Variants in FRK observed in about 807,000 individuals in gnomAD.
The protein encoded by FRK is fyn related Src family tyrosine kinase.
In FRK, 51 loss-of-function variants were observed where a neutral mutation model predicts 56.4. That is an observed-to-expected ratio of 0.90 (90% CI 0.72 to 1.14). The LOEUF is 1.14. Ranked by LOEUF, FRK falls within the 50% of genes most tolerant of loss-of-function variation. FRK has a pLI of 0.00. For synonymous variants in FRK, 245 were observed against 217.9 expected (o/e 1.12, Z -1.10); for missense variants, 570 against 601.4 (o/e 0.95, Z 0.55).
rs536303817 is a variant in FRK, at chr6:116,054,546, TATA to T, written c.344+5419_344+5421del. ...TTATATATTATATAGTATAATATAG[TATA>T]ATACTATATTTTATAAATATAGTGT... On this transcript the variant is annotated intron_variant, in intron 1 of 7. Transcript: ENST00000606080. 3.1e-3 allele frequency among the ~76,000 whole-genome samples: 451 copies of T among 145,852 alleles called. 7 individuals carry two copies. In the South Asian group the frequency reaches 0.039, roughly 13 times the overall value.
chr6:115,987,812 C>A (rs1774446850), intron 2 of FRK, among the ~76,000 whole-genome samples: 1 of 152,052 alleles, frequency 6.6e-6, no homozygotes, highest in Admixed American at 6.6e-5. Flanking sequence ...TTCTTTAAGG[C>A]ATGGATCATC....
At chr6:116,059,766 G>A (rs1385825063) in intron 1 of FRK, among the ~76,000 whole-genome samples, 2 of 152,188 alleles carry the variant, frequency 1.3e-5, no homozygotes, top group South Asian at 2.1e-4. Context: ...TGTAATTGAA[G>A]TCATCTCAAC....
intron 1 of FRK, among the ~76,000 whole-genome samples, chr6:116,057,951 C>T (rs1036290421): frequency 1.3e-5 from 2 of 152,110 alleles, no homozygotes; most frequent in African/African-American, 4.8e-5. Flanking sequence ...TACAGTCAAG[C>T]ATGAATGTAA....
chr6:116,024,057 T>C (rs1284177669), intron 1 of FRK, among the ~76,000 whole-genome samples: 2 of 136,592 alleles, frequency 1.5e-5, no homozygotes, highest in African/African-American at 2.8e-5. Context: ...CCTGAGAACT[T>C]ACACACACAC....
intron 1 of FRK, among the ~76,000 whole-genome samples, chr6:116,012,583 G>A (rs899303915): frequency 6.6e-6 from 1 of 152,168 alleles, no homozygotes; most frequent in African/African-American, 2.4e-5. Flanking sequence ...ACATATCTGT[G>A]GCATGAAGCA....
intron 1 of FRK, among the ~76,000 whole-genome samples, chr6:116,049,792 T>C (rs1777119074): frequency 6.6e-6 from 1 of 152,214 alleles, no homozygotes; most frequent in African/African-American, 2.4e-5. Flanking sequence ...TAAATGTCAG[T>C]TATCCCTGAC....
chr6:115,937,031 C>G lies in FRK; in HGVS notation c.*5383G>C, dbSNP rs928612679. On this transcript the variant is annotated 3_prime_UTR_variant, in exon 8 of 8. Transcript: ENST00000606080. ...CCCCAAGACATATAATCGTCATATT[C>G]ACCAAGGTTGAAATGAAGGAAAAAA... 6.6e-6 allele frequency: 1 copy of G among 152,116 alleles called. No individual in the cohort carries two copies. The highest frequency in any genetic ancestry group is 6.5e-5 in the Admixed American group (1 of 15,270). The allele number at this position is 152,116 out of a possible 1,614,324, so 9.4% of individuals were successfully genotyped here.
the FRK span, among the ~76,000 whole-genome samples, chr6:116,095,570 C>G: frequency 1.8e-4 from 27 of 152,286 alleles, no homozygotes; most frequent in South Asian, 5.4e-3. Context: ...AAGCTCAAGT[C>G]CATCAGTGCA....
chr6:115,971,227 GT>G (rs764672965), intron 2 of FRK, among the ~76,000 whole-genome samples: 2 of 152,154 alleles, frequency 1.3e-5, no homozygotes, highest in Non-Finnish European at 2.9e-5. Context: ...GGTTATTAAA[GT>G]AAATGTTACC....
At chr6:116,091,067 A>G in the FRK span, among the ~76,000 whole-genome samples, 1 of 152,182 alleles carries the variant, frequency 6.6e-6, no homozygotes, top group South Asian at 2.1e-4. Flanking sequence ...TCTAGACACA[A>G]TCTTTGTAAG....
the FRK span, among the ~76,000 whole-genome samples, chr6:116,096,975 C>T: frequency 2.0e-5 from 3 of 152,194 alleles, no homozygotes; most frequent in Non-Finnish European, 4.4e-5. Flanking sequence ...TGTCCCATTA[C>T]GTCCTCCCTC....
intron 5 of FRK, among the ~76,000 whole-genome samples, chr6:115,950,136 A>T (rs937386724): frequency 2.0e-5 from 3 of 152,102 alleles, no homozygotes; most frequent in East Asian, 1.9e-4. Flanking sequence ...AGACTTCATG[A>T]CTAAAACACC....
intron 2 of FRK, among the ~76,000 whole-genome samples, chr6:115,998,265 T>C (rs1262626482): frequency 4.6e-5 from 7 of 152,124 alleles, no homozygotes; most frequent in Non-Finnish European, 4.4e-5. Flanking sequence ...TGCCTACAAA[T>C]CTCTCATCCA....
intron 1 of FRK, among the ~76,000 whole-genome samples, chr6:116,017,016 C>T (rs1407484054): frequency 2.0e-5 from 3 of 152,156 alleles, no homozygotes; most frequent in African/African-American, 7.2e-5. Context: ...GCTCTGCCTG[C>T]ACTGATGGAC....
At chr6:116,081,879 C>A in the FRK span, among the ~76,000 whole-genome samples, 1 of 152,078 alleles carries the variant, frequency 6.6e-6, no homozygotes, top group Non-Finnish European at 1.5e-5. Flanking sequence ...AGAAAAATTT[C>A]TGTCCTCATG....
chr6:115,973,415 T>C (rs510874), intron 2 of FRK, among the ~76,000 whole-genome samples: 150,110 of 152,236 alleles, frequency 0.99, 74,043 homozygotes, highest in East Asian at 1. Context: ...TTGGGGGATG[T>C]GGGATTAAGG....
intron 2 of FRK, among the ~76,000 whole-genome samples, chr6:116,000,000 G>A (rs1303745613): frequency 6.6e-6 from 1 of 152,106 alleles, no homozygotes; most frequent in African/African-American, 2.4e-5. Flanking sequence ...CTCTAAGCAA[G>A]GCCTGCAGAG....
In FRK at chr6:115,939,742, G is replaced by A. The variant is rs1006522483; in HGVS notation, c.*2672C>T. 1.3e-5 allele frequency: 2 copies of A among 152,168 alleles called. No homozygotes were observed. The highest frequency in any genetic ancestry group is 2.9e-5 in the Non-Finnish European group (2 of 68,050). The allele number at this position is 152,168 out of a possible 1,614,324, so 9.4% of individuals were successfully genotyped here. ...CTCCCATTCACAATTGCTACAAAGA[G>A]AATGAAATATCTAGGATTACAACTT... On this transcript the variant is annotated 3_prime_UTR_variant, in exon 8 of 8. Coordinates refer to ENST00000606080, the MANE Select transcript of FRK (RefSeq NM_002031.3).
intron 2 of FRK, among the ~76,000 whole-genome samples, chr6:115,975,085 A>T (rs1773944626): frequency 6.6e-6 from 1 of 152,144 alleles, no homozygotes; most frequent in Non-Finnish European, 1.5e-5. Flanking sequence ...TTAAATAGGT[A>T]ATTATGGCAA....
Sources: allele counts gnomAD v4.1 joint callset (sites outside exome capture counted in the v4.1 genomes callset), GRCh38; gene constraint gnomAD v4.1.1; transcripts MANE v1.5; gene names NCBI Gene and HGNC (gene_info 2026-07-23, HGNC 2026-07-21).